The following ZHX3 variants were observed in gnomAD, a reference collection of about 807,000 sequenced individuals.
ZHX3 encodes the protein zinc fingers and homeoboxes protein 3.
ZHX3 carries 20 observed loss-of-function variants against 64.5 expected under a neutral mutation model. That is an observed-to-expected ratio of 0.31 (90% CI 0.22 to 0.45). The LOEUF (loss-of-function observed/expected upper bound fraction) is 0.45. Among genes scored for constraint, ZHX3 ranks in the 20% least tolerant of loss-of-function variants. ZHX3 has a pLI of 1.00. For missense variants in ZHX3, 1,041 were observed against 1,195.8 expected (o/e 0.87, Z 1.91); for synonymous variants, 423 against 461.6 (o/e 0.92, Z 1.07).
intron 3 of ZHX3, among the ~76,000 whole-genome samples, chr20:41,189,866 T>C (rs939384374): frequency 6.6e-6 from 1 of 152,196 alleles, no homozygotes; most frequent in Admixed American, 6.5e-5. Context: ...CTATGCTGAA[T>C]AGGAGCGGTG....
At position 41,233,429 on chromosome 20, in the gene ZHX3, G is replaced by C. The variant is rs1292466360; in HGVS notation, c.-150-28363C>G. On this transcript the variant is annotated intron_variant, in intron 2 of 3. Transcript: ENST00000683867. ...AAAAGACATTCAATGAGCTCAAAAA[G>C]TTTGAGACCCAATCAAGAATCTTTT... Among the ~76,000 whole-genome samples the C allele has an allele frequency of 3.3e-5, 5 of 152,284 alleles. No homozygotes were observed. In the East Asian group the frequency reaches 9.6e-4, roughly 29 times the overall value.
At chr20:41,291,041 G>A (rs1248892167) in intron 1 of ZHX3, among the ~76,000 whole-genome samples, 1 of 152,158 alleles carries the variant, frequency 6.6e-6, no homozygotes. Flanking sequence ...CCACTGAAAG[G>A]GAAGTAAATA....
intron 1 of ZHX3, among the ~76,000 whole-genome samples, chr20:41,291,753 G>T (rs919450772): frequency 6.6e-6 from 1 of 151,764 alleles, no homozygotes. Flanking sequence ...TCAATTAAAA[G>T]TAAAGCATGA....
chr20:41,185,269 C>A lies in ZHX3; in HGVS notation c.2861-68G>T. ...CCACCTGCCCCCCAGGCAGCCTGGTCCTTGCTATACCAGGGTGGCATCACT... is the reference window on the plus strand; with the variant it reads ...CCACCTGCCCCCCAGGCAGCCTGGTACTTGCTATACCAGGGTGGCATCACT... On this transcript the variant is annotated intron_variant, in intron 3 of 3. Transcript: ENST00000683867. This position sits in a 1 kb window ranked among gnomAD's most constrained non-coding sequence, Gnocchi z 5.0. 1 of 1,520,576 alleles carries A rather than the reference C, an allele frequency of 6.6e-7. No individual in the cohort carries two copies. The allele number at this position is 1,520,576 out of a possible 1,614,324, so 94.2% of individuals were successfully genotyped here. A position where few individuals can be genotyped will look rare whatever the true frequency, so the allele number is the denominator to read the frequency against.
In ZHX3 at chr20:41,202,718, C is replaced by T; in HGVS notation, c.2199G>A (p.Arg733=). 4 of 1,614,148 alleles carry T rather than the reference C, an allele frequency of 2.5e-6. No individual in the cohort carries two copies. The highest frequency in any genetic ancestry group is 2.2e-5 in the East Asian group (1 of 44,880). ...CGTTCCTGCCATTGGCTTCAGTGAC[C>T]CTCAGGTTCTTCAGGTTGATTTTAA... ...SPIKINLKNL[R]VTEANGRNEI... The change falls in exon 3 of 4, where the codon AGG becomes AGA. Residue 733 remains arginine (R), a synonymous_variant. Coordinates refer to ENST00000683867, the MANE Select transcript of ZHX3 (RefSeq NM_001384317.1). This position sits in a 1 kb window ranked among gnomAD's most constrained non-coding sequence, Gnocchi z 7.0.
At chr20:41,196,290 TAAATATATA>T (rs2037484251) in intron 3 of ZHX3, among the ~76,000 whole-genome samples, 1 of 123,918 alleles carries the variant, frequency 8.1e-6, no homozygotes, top group Non-Finnish European at 1.6e-5. Flanking sequence ...TATATATAAA[TAAATATATA>T]AAAATAAATA....
chr20:41,269,880 C>A (rs1414702975), intron 1 of ZHX3, among the ~76,000 whole-genome samples: 4 of 147,938 alleles, frequency 2.7e-5, no homozygotes, highest in South Asian at 2.1e-4. Context: ...TTTTTTTTGC[C>A]CCTCAAAAAA....
intron 1 of ZHX3, 42 bp downstream of exon 1, chr20:41,317,467 C>G (rs1470208207): frequency 6.7e-6 from 1 of 149,636 alleles, no homozygotes. Flanking sequence ...GACTGACAGC[C>G]GCGGGGGCAC....
At chr20:41,268,683 T>C (rs566714457) in intron 2 of ZHX3, among the ~76,000 whole-genome samples, 24 of 152,180 alleles carry the variant, frequency 1.6e-4, no homozygotes, top group Non-Finnish European at 3.2e-4. Flanking sequence ...CTGCACATCA[T>C]AGAGAGACAC....
intron 2 of ZHX3, among the ~76,000 whole-genome samples, chr20:41,247,456 T>C (rs1253732754): frequency 6.6e-6 from 1 of 152,104 alleles, no homozygotes; most frequent in African/African-American, 2.4e-5. Flanking sequence ...TTTTGCACAA[T>C]GGAAATCATC....
chr20:41,250,730 C>T (rs544686774), intron 2 of ZHX3, among the ~76,000 whole-genome samples: 4 of 152,322 alleles, frequency 2.6e-5, no homozygotes, highest in South Asian at 4.1e-4. Context: ...AAGAAATCCA[C>T]ACTAAGACAC....
In ZHX3 at chr20:41,182,178, C is replaced by T. The variant is rs1600689656; in HGVS notation, c.*3013G>A. 6.6e-6 allele frequency: 1 copy of T among 152,192 alleles called. No homozygotes were observed. Among genetic ancestry groups the T allele is most frequent in the Admixed American group, 6.5e-5 (1 of 15,280 alleles). 9.4% of individuals were successfully genotyped at this position (152,192 alleles called of 1,614,324 possible). A position where few individuals can be genotyped will look rare whatever the true frequency, so the allele number is the denominator to read the frequency against. The stretch of plus-strand genomic sequence containing the variant: ...TCACCTTTGAGAACTCGATCTACAA[C>T]CCCATGTAAAAAACAAATGGGTACA... On this transcript the variant is annotated 3_prime_UTR_variant, in exon 4 of 4. Coordinates refer to ENST00000683867, the MANE Select transcript of ZHX3 (RefSeq NM_001384317.1). This position sits in a 1 kb window ranked among gnomAD's most constrained non-coding sequence, Gnocchi z 6.1.
At chr20:41,197,287 A>G (rs935956881) in intron 3 of ZHX3, 3 of 145,844 alleles carry the variant, frequency 2.1e-5, no homozygotes, top group Non-Finnish European at 4.5e-5. Flanking sequence ...TAAAATACAT[A>G]TATATTTTAT....
At chr20:41,316,012 A>G (rs1290845590) in intron 1 of ZHX3, among the ~76,000 whole-genome samples, 1 of 135,258 alleles carries the variant, frequency 7.4e-6, no homozygotes, top group Non-Finnish European at 1.6e-5. Context: ...CTTCAATATG[A>G]AAAAAAAAAA....
At position 41,235,157 on chromosome 20, in the gene ZHX3, G is replaced by A. The variant is rs942402113; in HGVS notation, c.-150-30091C>T. ...TGTATGTGCACACATGGCTGGGAGT[G>A]GGGGGTAGTGCCAAAATGTTGGTTC... On this transcript the variant is annotated intron_variant, in intron 2 of 3. Transcript: ENST00000683867. Among the ~76,000 whole-genome samples, 7 of 152,048 alleles carry A rather than the reference G, an allele frequency of 4.6e-5. No homozygotes were observed. In the East Asian group the frequency reaches 1.2e-3, roughly 25 times the overall value.
intron 1 of ZHX3, among the ~76,000 whole-genome samples, chr20:41,273,077 A>C (rs1473689072): frequency 6.6e-6 from 1 of 152,142 alleles, no homozygotes; most frequent in African/African-American, 2.4e-5. Context: ...TAGACATCTT[A>C]GTAGGTGTGA....
chr20:41,209,302 C>T (rs561855108), intron 2 of ZHX3, among the ~76,000 whole-genome samples: 198 of 152,194 alleles, frequency 1.3e-3, no homozygotes, highest in Middle Eastern at 0.01. Context: ...CCCCATCAAG[C>T]TACCAATGAC....
chr20:41,249,201 G>A (rs756498087), intron 2 of ZHX3, among the ~76,000 whole-genome samples: 24 of 151,702 alleles, frequency 1.6e-4, no homozygotes, highest in Non-Finnish European at 2.8e-4. Flanking sequence ...GAAAAACTTG[G>A]TCATTGTTTT....
In ZHX3 at chr20:41,224,205, G is replaced by A. The variant is rs2040124243; in HGVS notation, c.-150-19139C>T. Among the ~76,000 whole-genome samples, 1 of 152,090 alleles carries A rather than the reference G, an allele frequency of 6.6e-6. No homozygotes were observed. The highest frequency in any genetic ancestry group is 2.1e-4 in the South Asian group (1 of 4,830). ...TCCAACTGAGTATCTCCCAAATGTG[G>A]GAGCTAATTATCATTTATGACAATT... On this transcript the variant is annotated intron_variant, in intron 2 of 3. Transcript: ENST00000683867. This position sits in a 1 kb window ranked among gnomAD's most constrained non-coding sequence, Gnocchi z 5.2.
Sources: gnomAD v4.1 joint callset for allele counts (sites outside exome capture counted in the v4.1 genomes callset) on GRCh38, gnomAD v4.1.1 for gene constraint, Gnocchi (gnomAD v3.1) non-coding constraint, MANE v1.5 for transcripts, NCBI Gene and HGNC (gene_info 2026-07-23, HGNC 2026-07-21) for gene names.